The following TMEM65 variants were observed in gnomAD, a reference collection of about 807,000 sequenced individuals.
TMEM65 encodes the protein transmembrane protein 65.
TMEM65 carries 22 observed loss-of-function variants against 25.4 expected under a neutral mutation model. That is an observed-to-expected ratio of 0.86 (90% CI 0.62 to 1.23). TMEM65 has a LOEUF of 1.23. Among genes scored for constraint, TMEM65 ranks in the 50% most tolerant of loss-of-function variants. The pLI, the probability that TMEM65 is intolerant of heterozygous loss-of-function variation, is 0.00. For synonymous variants in TMEM65, 132 were observed against 126.2 expected (o/e 1.05, Z -0.31); for missense variants, 262 against 308.2 (o/e 0.85, Z 1.12).
chr8:124,348,750 C>G (rs928721571), intron 1 of TMEM65, among the ~76,000 whole-genome samples: 4 of 152,132 alleles, frequency 2.6e-5, no homozygotes, highest in Non-Finnish European at 4.4e-5. Flanking sequence ...ATATTACCTT[C>G]TTTTTCAATC....
At chr8:124,334,094 G>GTT (rs1229428884) in intron 1 of TMEM65, among the ~76,000 whole-genome samples, 6 of 152,192 alleles carry the variant, frequency 3.9e-5, no homozygotes, top group African/African-American at 1.4e-4. Flanking sequence ...AGAGTTTGCA[G>GTT]TTTGAACCTA....
intron 2 of TMEM65, among the ~76,000 whole-genome samples, chr8:124,328,685 T>C (rs1814396398): frequency 6.6e-6 from 1 of 152,108 alleles, no homozygotes; most frequent in Admixed American, 6.6e-5. Context: ...TGAACATCCG[T>C]TCAACTGAGG....
At chr8:124,322,037 TAAAGA>T (rs1344202196) in intron 5 of TMEM65, 63 bp downstream of exon 5, 1 of 1,095,730 alleles carries the variant, frequency 9.1e-7, no homozygotes, top group African/African-American at 1.6e-5. Context: ...GCTTCTCAAT[TAAAGA>T]AGAGTGGGGA....
intron 1 of TMEM65, among the ~76,000 whole-genome samples, chr8:124,351,385 A>ATAG (rs1814706022): frequency 6.6e-6 from 1 of 152,164 alleles, no homozygotes; most frequent in African/African-American, 2.4e-5. Flanking sequence ...ATTGACAGGT[A>ATAG]TAAATGTAAA....
At chr8:124,344,385 T>A (rs1325088875) in intron 1 of TMEM65, among the ~76,000 whole-genome samples, 1 of 152,220 alleles carries the variant, frequency 6.6e-6, no homozygotes, top group East Asian at 1.9e-4. Context: ...TTGGCATAAA[T>A]GTAAATGAGG....
chr8:124,320,043 C>A, intron 6 of TMEM65, 43 bp downstream of exon 6: 2 of 1,513,080 alleles, frequency 1.3e-6, no homozygotes, highest in South Asian at 2.3e-5. Context: ...GAATCTTGCT[C>A]TGGCTACCCA....
At chr8:124,354,949 TAA>T (rs1238840891) in intron 1 of TMEM65, among the ~76,000 whole-genome samples, 1 of 152,156 alleles carries the variant, frequency 6.6e-6, no homozygotes, top group Non-Finnish European at 1.5e-5. Context: ...TCTGTAAATT[TAA>T]GACTGTTTCA....
At chr8:124,347,667 G>A (rs934400101) in intron 1 of TMEM65, among the ~76,000 whole-genome samples, 5 of 152,150 alleles carry the variant, frequency 3.3e-5, no homozygotes, top group Admixed American at 1.3e-4. Context: ...CAAGCAACCT[G>A]GGACTTCACT....
chr8:124,306,970 T>G lies in TMEM65; in HGVS notation c.*6990A>C, dbSNP rs1294107757. The stretch of plus-strand genomic sequence containing the variant: ...TCTCAAAAAAAAAAAAAGTTAAAAT[T>G]TATCAAAACTTAACGCATACACAGA... On this transcript the variant is annotated 3_prime_UTR_variant, in exon 7 of 7. Transcript: ENST00000297632. 1.3e-5 allele frequency: 2 copies of G among 152,002 alleles called. No homozygotes were observed. The highest frequency in any genetic ancestry group is 1.9e-4 in the East Asian group (1 of 5,174). 9.4% of individuals were successfully genotyped at this position (152,002 alleles called of 1,614,324 possible).
intron 1 of TMEM65, among the ~76,000 whole-genome samples, chr8:124,347,360 T>C (rs1814651300): frequency 6.6e-6 from 1 of 152,202 alleles, no homozygotes; most frequent in Non-Finnish European, 1.5e-5. Context: ...CTGCAACATA[T>C]ACCTTATGTA....
chr8:124,341,585 T>C lies in TMEM65; in HGVS notation c.305-10793A>G, dbSNP rs376991638. On this transcript the variant is annotated intron_variant, in intron 1 of 6. Coordinates refer to ENST00000297632, the MANE Select transcript of TMEM65 (RefSeq NM_194291.3). ...CCAAAGTAATTTCTTGTGGTCCATG[T>C]TGCTTTTATTGGGTGTTTGACCACT... Among the ~76,000 whole-genome samples, 22 of 152,174 alleles carry C rather than the reference T, an allele frequency of 1.4e-4. No individual in the cohort carries two copies. The East Asian group carries it at 4.0e-3, about 28-fold the overall frequency.
intron 1 of TMEM65, among the ~76,000 whole-genome samples, chr8:124,336,688 G>A (rs1454208446): frequency 1.3e-5 from 2 of 151,828 alleles, no homozygotes; most frequent in African/African-American, 2.4e-5. Flanking sequence ...TGCTTAGGGG[G>A]AAATTTACAG....
chr8:124,331,277 G>C (rs1189589792), intron 1 of TMEM65, among the ~76,000 whole-genome samples: 6 of 147,364 alleles, frequency 4.1e-5, no homozygotes, highest in Non-Finnish European at 9.0e-5. Context: ...AGCAATGTAT[G>C]AAAACAATGA....
At chr8:124,330,617 A>G (rs1421882286) in intron 2 of TMEM65, 131 bp downstream of exon 2, 1 of 764,472 alleles carries the variant, frequency 1.3e-6, no homozygotes, top group Non-Finnish European at 2.0e-6. Flanking sequence ...TGCTTCATAT[A>G]ATGAACAGGA....
At chr8:124,317,275 T>C (rs1814249547) in intron 6 of TMEM65, among the ~76,000 whole-genome samples, 2 of 152,186 alleles carry the variant, frequency 1.3e-5, no homozygotes, top group Non-Finnish European at 2.9e-5. Flanking sequence ...CAATTCATTG[T>C]CATTTGATTT....
chr8:124,340,955 C>T (rs1441659164), intron 1 of TMEM65, among the ~76,000 whole-genome samples: 5 of 152,036 alleles, frequency 3.3e-5, no homozygotes, highest in East Asian at 3.8e-4. Flanking sequence ...AGAAAGTACA[C>T]GCTTCCAGAT....
Position 124,332,822 on chromosome 8 carries a change from G to A in TMEM65, c.305-2030C>T, listed in dbSNP as rs1814448337. 2.6e-5 allele frequency among the ~76,000 whole-genome samples: 4 copies of A among 151,888 alleles called. No individual in the cohort carries two copies. In the South Asian group the frequency reaches 8.3e-4, roughly 32 times the overall value. On this transcript the variant is annotated intron_variant, in intron 1 of 6. Coordinates refer to ENST00000297632, the MANE Select transcript of TMEM65 (RefSeq NM_194291.3). ...TATTTTATATTATTATTATTTTTTT[G>A]AGATGGAGTCTCACTCTGTCTCTCC...
intron 1 of TMEM65, among the ~76,000 whole-genome samples, chr8:124,338,862 G>C (rs1014643607): frequency 7.2e-5 from 11 of 152,014 alleles, no homozygotes; most frequent in African/African-American, 2.4e-4. Flanking sequence ...ATTGTAAGCT[G>C]ATACAGTATG....
At chr8:124,322,172 T>C in intron 4 of TMEM65, 25 bp from the exon 5 acceptor site, 3 of 1,562,872 alleles carry the variant, frequency 1.9e-6, no homozygotes, top group Non-Finnish European at 2.6e-6. Flanking sequence ...AATAAATAAT[T>C]GTTACATAAA....
Sources: gnomAD v4.1 joint callset for allele counts (sites outside exome capture counted in the v4.1 genomes callset) on GRCh38, gnomAD v4.1.1 for gene constraint, MANE v1.5 for transcripts, NCBI Gene and HGNC (gene_info 2026-07-23, HGNC 2026-07-21) for gene names.